The following AMPH variants were observed in gnomAD, a reference collection of about 807,000 sequenced individuals.
AMPH encodes amphiphysin, also known as amphiphysin (Stiff-Mann syndrome with breast cancer 128kD autoantigen).
AMPH carries 49 observed loss-of-function variants against 99.1 expected under a neutral mutation model. The ratio of observed to expected loss-of-function variants is 0.49; its 90% CI spans 0.39 to 0.63. The LOEUF (loss-of-function observed/expected upper bound fraction) is 0.63, where lower values mean the gene tolerates loss of function less well. Ranked by LOEUF, AMPH falls within the 20% of genes least tolerant of loss-of-function variation. The pLI is 0.00. For synonymous variants in AMPH, 314 were observed against 317.3 expected, an observed-to-expected ratio of 0.99 and a Z score of 0.11; for missense variants, 759 against 863.4, an observed-to-expected ratio of 0.88 and a Z score of 1.52.
At chr7:38,574,736 T>A (rs1792170053) in intron 1 of AMPH, among the ~76,000 whole-genome samples, 1 of 152,168 alleles carries the variant, frequency 6.6e-6, no homozygotes, top group Non-Finnish European at 1.5e-5. Context: ...TCCAAATTTA[T>A]CATTCAATAC....
intron 1 of AMPH, among the ~76,000 whole-genome samples, chr7:38,587,798 C>G (rs192379517): frequency 2.8e-4 from 43 of 152,212 alleles, no homozygotes; most frequent in African/African-American, 1.0e-3. Flanking sequence ...CAACGGTGCT[C>G]ATTCTCTAAC....
chr7:38,502,507 T>C (rs1789175752), intron 3 of AMPH, among the ~76,000 whole-genome samples: 3 of 152,190 alleles, frequency 2.0e-5, no homozygotes. Context: ...CCATTGAAGG[T>C]GAGTCATACA....
chr7:38,519,080 G>A (rs1032413948), intron 2 of AMPH, among the ~76,000 whole-genome samples: 2 of 152,178 alleles, frequency 1.3e-5, no homozygotes, highest in East Asian at 1.9e-4. Flanking sequence ...TCTGTGTCAC[G>A]TTAACTTGCT....
intron 18 of AMPH, among the ~76,000 whole-genome samples, chr7:38,393,126 C>G (rs920780515): frequency 2.6e-5 from 4 of 152,140 alleles, no homozygotes; most frequent in Non-Finnish European, 5.9e-5. Context: ...CAAAAACACT[C>G]TGGGCACTGT....
At chr7:38,422,094 T>G (rs1785598309) in intron 16 of AMPH, among the ~76,000 whole-genome samples, 1 of 152,228 alleles carries the variant, frequency 6.6e-6, no homozygotes, top group African/African-American at 2.4e-5. Flanking sequence ...GCATGAATTC[T>G]TGAGACAATT....
chr7:38,482,572 GT>G (rs1174777302), intron 5 of AMPH, among the ~76,000 whole-genome samples: 2 of 152,106 alleles, frequency 1.3e-5, no homozygotes, highest in Non-Finnish European at 2.9e-5. Context: ...CTCCTAGACA[GT>G]GTGGCCAATT....
chr7:38,568,149 G>A (rs966907548), intron 1 of AMPH, among the ~76,000 whole-genome samples: 7 of 152,116 alleles, frequency 4.6e-5, no homozygotes, highest in East Asian at 3.9e-4. Context: ...GGGGTATTAC[G>A]TGCAAATTCA....
At chr7:38,526,236 T>C (rs561122832) in intron 2 of AMPH, among the ~76,000 whole-genome samples, 5 of 152,012 alleles carry the variant, frequency 3.3e-5, no homozygotes, top group African/African-American at 1.2e-4. Flanking sequence ...CATCCACATA[T>C]CTACTGCAAT....
intron 4 of AMPH, among the ~76,000 whole-genome samples, chr7:38,491,422 C>T (rs1347283357): frequency 6.6e-6 from 1 of 152,152 alleles, no homozygotes; most frequent in Non-Finnish European, 1.5e-5. Context: ...AAAAGATCCC[C>T]ATAACCCTAT....
Position 38,436,506 on chromosome 7 carries a change from T to G in AMPH, c.1018-118A>C. On this transcript the variant is annotated intron_variant, in intron 11 of 20. Transcript: ENST00000356264. ...ATTATTGAGTATCTCCAAAACACAC[T>G]TTTATAAGCATGGTGGCTCACCCAT... is the stretch of plus-strand genomic sequence containing the variant. The G allele has an allele frequency of 9.3e-6, 7 of 753,548 alleles. 1 individual carries two copies. In the South Asian group the frequency reaches 1.0e-4, roughly 11 times the overall value. The allele number at this position is 753,548 out of a possible 1,614,324, so 46.7% of individuals were successfully genotyped here.
intron 14 of AMPH, chr7:38,428,501 A>G (rs1785869810): frequency 8.8e-6 from 4 of 456,616 alleles, no homozygotes; most frequent in African/African-American, 4.0e-5. Flanking sequence ...CACCTACAAG[A>G]GCATTTAACA....
chr7:38,566,662 A>G lies in AMPH; in HGVS notation c.70-31651T>C, dbSNP rs1347216712. Among the ~76,000 whole-genome samples the G allele has an allele frequency of 2.6e-5, 4 of 152,352 alleles. No homozygotes were observed. The East Asian group carries it at 7.7e-4, about 29-fold the overall frequency. ...CGATCTACCCATCTGACAAAGGGCT[A>G]ATATCCAGAATCTACAAAGAAGTTA... On this transcript the variant is annotated intron_variant, in intron 1 of 20. Transcript: ENST00000356264.
rs889749291 is a variant in AMPH at position 38,384,007 on chromosome 7, T to C, written c.*811A>G. ...CAGCCACAGCGGCTGGACAGCTAGA[T>C]AAATCAGGCCCTGCCTTCTCTGAGG... is the stretch of plus-strand genomic sequence containing the variant. On this transcript the variant is annotated 3_prime_UTR_variant, in exon 21 of 21. Transcript: ENST00000356264. 2 of 152,588 alleles carry C rather than the reference T, an allele frequency of 1.3e-5. No individual in the cohort carries two copies. The highest frequency in any genetic ancestry group is 6.5e-5 in the Admixed American group (1 of 15,288). The allele number at this position is 152,588 out of a possible 1,614,324, so 9.5% of individuals were successfully genotyped here.
At chr7:38,577,818 A>G (rs1273119046) in intron 1 of AMPH, among the ~76,000 whole-genome samples, 1 of 145,872 alleles carries the variant, frequency 6.9e-6, no homozygotes, top group Middle Eastern at 3.6e-3. Flanking sequence ...GAAGACAGGA[A>G]GAAAGGAAGG....
At chr7:38,627,058 C>A (rs982786021) in intron 1 of AMPH, among the ~76,000 whole-genome samples, 1 of 152,118 alleles carries the variant, frequency 6.6e-6, no homozygotes, top group Non-Finnish European at 1.5e-5. Flanking sequence ...AGTTCCCTAC[C>A]TCCTCCACTA....
chr7:38,445,024 C>CATATATATACATATATACAT (rs1331327750), intron 11 of AMPH, among the ~76,000 whole-genome samples: 1 of 129,690 alleles, frequency 7.7e-6, no homozygotes, highest in African/African-American at 3.2e-5. Context: ...CACACACACA[C>CATATATATACATATATACAT]GGTATATACA....
At position 38,417,720 on chromosome 7, in the gene AMPH, T is replaced by C. The variant is rs1303075258; in HGVS notation, c.1398+105A>G. The stretch of plus-strand genomic sequence containing the variant: ...TGGGAGCTACGACAGATATGGAGCA[T>C]GTTTGGCCCAAGTGAGGCAAAGATG... On this transcript the variant is annotated intron_variant, in intron 17 of 20. Coordinates refer to ENST00000356264, the MANE Select transcript of AMPH (RefSeq NM_001635.4). 5 of 1,444,630 alleles carry C rather than the reference T, an allele frequency of 3.5e-6. No individual in the cohort carries two copies. The African/African-American group carries it at 5.6e-5, about 16-fold the overall frequency. 89.5% of individuals were successfully genotyped at this position (1,444,630 alleles called of 1,614,324 possible).
chr7:38,435,166 T>A (rs891573293), intron 12 of AMPH, among the ~76,000 whole-genome samples: 1 of 152,244 alleles, frequency 6.6e-6, no homozygotes, highest in Non-Finnish European at 1.5e-5. Context: ...TTGCAAAGCA[T>A]CTTCAAGGCT....
At chr7:38,397,493 C>T (rs879275255) in intron 17 of AMPH, among the ~76,000 whole-genome samples, 3 of 152,026 alleles carry the variant, frequency 2.0e-5, no homozygotes, top group Non-Finnish European at 4.4e-5. Context: ...CTATCTTTTG[C>T]CATATACAAA....
Sources: gnomAD v4.1 joint callset for allele counts (sites outside exome capture counted in the v4.1 genomes callset) on GRCh38, gnomAD v4.1.1 for gene constraint, MANE v1.5 for transcripts, NCBI Gene and HGNC (gene_info 2026-07-23, HGNC 2026-07-21) for gene names.